Variants in MARCHF5 observed in about 807,000 individuals in gnomAD.
The protein encoded by MARCHF5 is membrane associated ring-CH-type finger 5, also known as E3 ubiquitin-protein ligase MARCHF5.
A neutral mutation model predicts 36.5 loss-of-function variants in MARCHF5; 5 were observed. That is an observed-to-expected ratio of 0.14 (90% confidence interval 0.07 to 0.29). MARCHF5 has a LOEUF of 0.29. Ranked by LOEUF, MARCHF5 falls within the 10% of genes least tolerant of loss-of-function variation. The probability of loss-of-function intolerance (pLI) is 1.00; values close to 1 mark genes in which losing one functional copy is unlikely to be tolerated. For synonymous variants in MARCHF5, 103 were observed against 109.9 expected (o/e 0.94, Z 0.39); for missense variants, 179 against 336.3 (o/e 0.53, Z 3.66).
At position 92,349,672 on chromosome 10, in the gene MARCHF5, G is replaced by A. The variant is rs757595960; in HGVS notation, c.555G>A (p.Gly185=). Residue 185 remains glycine, a splice_region_variant and synonymous_variant, in exon 5 of 6, where the codon GGG becomes GGA. Coordinates refer to ENST00000358935, the MANE Select transcript of MARCHF5 (RefSeq NM_017824.5). The part of the protein sequence containing the change: ...KLQILNSIFP[G]IGCPVPRIPA... ...ACGCACTGCATTTTTTTCCTCTAGG[G>A]ATAGGTTGTCCTGTTCCTCGAATTC... The A allele has an allele frequency of 5.6e-6, 9 of 1,612,254 alleles. No homozygotes were observed. In the African/African-American group the frequency reaches 1.1e-4, roughly 19 times the overall value.
At chr10:92,304,353 A>G (rs1843048498) in intron 1 of MARCHF5, among the ~76,000 whole-genome samples, 1 of 152,188 alleles carries the variant, frequency 6.6e-6, no homozygotes, top group Non-Finnish European at 1.5e-5. Context: ...AATCTTTTAC[A>G]ATAGGGGACC....
At chr10:92,333,652 T>C (rs932952900) in intron 2 of MARCHF5, 9 of 985,148 alleles carry the variant, frequency 9.1e-6, no homozygotes, top group Non-Finnish European at 1.1e-5. Context: ...GGGTAGTATG[T>C]AAAGGAAGCC....
chr10:92,311,102 A>G lies in MARCHF5; in HGVS notation c.36-33A>G, dbSNP rs781208578. On this transcript the variant is annotated intron_variant, in intron 1 of 5. Transcript: ENST00000358935. ...TAGAGGAGGCTGGAGTCCTAAAGAT[A>G]TAAATGTCATCCTTTTCTCTTTTAA... The G allele has an allele frequency of 1.5e-5, 24 of 1,572,588 alleles. No homozygotes were observed. In the Admixed American group the frequency reaches 1.7e-4, roughly 11 times the overall value.
chr10:92,295,239 T>C (rs1461909803), intron 1 of MARCHF5, among the ~76,000 whole-genome samples: 1 of 151,078 alleles, frequency 6.6e-6, no homozygotes, highest in Non-Finnish European at 1.5e-5. Flanking sequence ...TGAAGACTAT[T>C]TTAATTGTAA....
chr10:92,315,604 A>G (rs1358877211), intron 2 of MARCHF5, among the ~76,000 whole-genome samples: 1 of 152,228 alleles, frequency 6.6e-6, no homozygotes, highest in Non-Finnish European at 1.5e-5. Flanking sequence ...GTACAGTGTT[A>G]TCACTCCTAG....
At chr10:92,314,909 G>C (rs939581128) in intron 2 of MARCHF5, among the ~76,000 whole-genome samples, 21 of 152,114 alleles carry the variant, frequency 1.4e-4, no homozygotes, top group African/African-American at 5.1e-4. Context: ...ACATGCTGAA[G>C]ATACCTATTC....
intron 3 of MARCHF5, among the ~76,000 whole-genome samples, chr10:92,347,243 G>C (rs914386936): frequency 6.6e-6 from 1 of 152,032 alleles, no homozygotes; most frequent in Non-Finnish European, 1.5e-5. Context: ...CAGCACTTTG[G>C]GGGGCCAAGG....
At chr10:92,345,747 G>T (rs1284274269) in intron 3 of MARCHF5, among the ~76,000 whole-genome samples, 1 of 130,820 alleles carries the variant, frequency 7.6e-6, no homozygotes, top group African/African-American at 2.9e-5. Flanking sequence ...AGGCTGGAAT[G>T]CAGTGGCGCA....
chr10:92,312,491 A>G (rs1843155910), intron 2 of MARCHF5, among the ~76,000 whole-genome samples: 1 of 152,222 alleles, frequency 6.6e-6, no homozygotes, highest in African/African-American at 2.4e-5. Context: ...ATAATTCAAA[A>G]TGTTTTTATT....
intron 3 of MARCHF5, among the ~76,000 whole-genome samples, chr10:92,347,553 A>T (rs1054357878): frequency 3.6e-4 from 54 of 152,082 alleles, no homozygotes; most frequent in Non-Finnish European, 7.2e-4. Context: ...AGATAGATAG[A>T]TAGATAAAGA....
intron 2 of MARCHF5, among the ~76,000 whole-genome samples, chr10:92,323,368 C>T (rs746310072): frequency 1.3e-5 from 2 of 152,116 alleles, no homozygotes; most frequent in Admixed American, 1.3e-4. Context: ...TTACAGTCAG[C>T]GAACTTAAGT....
intron 2 of MARCHF5, among the ~76,000 whole-genome samples, chr10:92,324,681 T>G (rs1843333150): frequency 6.6e-6 from 1 of 152,230 alleles, no homozygotes; most frequent in Non-Finnish European, 1.5e-5. Flanking sequence ...TATATCATAA[T>G]TTTTGTTGGG....
intron 1 of MARCHF5, 83 bp from the exon 2 acceptor site, chr10:92,311,052 A>C: frequency 2.1e-6 from 2 of 956,980 alleles, no homozygotes; most frequent in South Asian, 3.1e-5. Context: ...TAGCAGGCTC[A>C]TCCCATTAAG....
chr10:92,324,856 T>C lies in MARCHF5; in HGVS notation c.238+13519T>C, dbSNP rs543371711. ...TTCATTGTGATCAGAGAGCATACTC[T>C]GTCTGATTTTTTAACTATATTAAAA... On this transcript the variant is annotated intron_variant, in intron 2 of 5. Coordinates refer to ENST00000358935, the MANE Select transcript of MARCHF5 (RefSeq NM_017824.5). 2.6e-5 allele frequency among the ~76,000 whole-genome samples: 4 copies of C among 152,008 alleles called. No homozygotes were observed. In the East Asian group the frequency reaches 5.8e-4, roughly 22 times the overall value.
chr10:92,304,153 G>A (rs1486270153), intron 1 of MARCHF5, among the ~76,000 whole-genome samples: 1 of 152,218 alleles, frequency 6.6e-6, no homozygotes, highest in African/African-American at 2.4e-5. Context: ...ATTTTCCACT[G>A]AATGCCAGGG....
intron 1 of MARCHF5, among the ~76,000 whole-genome samples, chr10:92,309,850 G>A (rs1040761287): frequency 1.3e-5 from 2 of 151,978 alleles, no homozygotes; most frequent in African/African-American, 4.8e-5. Context: ...AAAGAACAAA[G>A]TATTTTTGGA....
intron 1 of MARCHF5, among the ~76,000 whole-genome samples, chr10:92,297,963 C>G (rs967832150): frequency 1.3e-4 from 20 of 152,030 alleles, no homozygotes; most frequent in African/African-American, 4.8e-4. Flanking sequence ...TTTGGAAGAC[C>G]GAGGCAGGCC....
intron 1 of MARCHF5, among the ~76,000 whole-genome samples, chr10:92,305,098 A>G (rs1437418729): frequency 2.6e-5 from 4 of 152,170 alleles, no homozygotes; most frequent in African/African-American, 4.8e-5. Flanking sequence ...TTTGATTTCT[A>G]TGTTACGGTG....
chr10:92,302,947 A>C (rs890084696), intron 1 of MARCHF5, among the ~76,000 whole-genome samples: 1 of 152,178 alleles, frequency 6.6e-6, no homozygotes, highest in Non-Finnish European at 1.5e-5. Context: ...TCACTCTTCT[A>C]TTCTGCTACA....
Sources: allele counts gnomAD v4.1 joint callset (sites outside exome capture counted in the v4.1 genomes callset), GRCh38; gene constraint gnomAD v4.1.1; transcripts MANE v1.5; gene names NCBI Gene and HGNC (gene_info 2026-07-23, HGNC 2026-07-21).